PTPRB: variants seen among roughly 807,000 people sequenced by gnomAD.
PTPRB encodes the protein protein tyrosine phosphatase receptor type B.
Under a neutral mutation model 238.1 loss-of-function variants are expected in PTPRB, and 97 were observed. The ratio of observed to expected loss-of-function variants is 0.41; its 90% CI spans 0.35 to 0.48. The LOEUF is 0.48. Among genes scored for constraint, PTPRB ranks in the 20% least tolerant of loss-of-function variants. The pLI is 0.30. For missense variants in PTPRB, 2,292 were observed against 2,681.9 expected, an observed-to-expected ratio of 0.85 and a Z score of 3.21; for synonymous variants, 970 against 995.4, an observed-to-expected ratio of 0.97 and a Z score of 0.48.
At chr12:70,567,164 C>T (rs1005957804) in intron 14 of PTPRB, among the ~76,000 whole-genome samples, 2 of 152,118 alleles carry the variant, frequency 1.3e-5, no homozygotes, top group Non-Finnish European at 2.9e-5. Context: ...TTCTATAGCT[C>T]CTGAGGTGAA....
chr12:70,548,849 C>T (rs541760455), intron 21 of PTPRB, among the ~76,000 whole-genome samples: 1 of 152,314 alleles, frequency 6.6e-6, no homozygotes, highest in African/African-American at 2.4e-5. Flanking sequence ...TAAACCTCCA[C>T]GCTTTGACTC....
At position 70,592,431 on chromosome 12, in the gene PTPRB, T is replaced by C; in HGVS notation, c.1631A>G (p.His544Arg). 6.2e-7 allele frequency: 1 copy of C among 1,613,772 alleles called. No individual in the cohort carries two copies. Among genetic ancestry groups the C allele is most frequent in the Non-Finnish European group, 8.5e-7 (1 of 1,179,702 alleles). The change falls in exon 7 of 34, where the codon CAC becomes CGC. Residue 544 changes from histidine to arginine, a missense_variant. Around this residue, in one of 4 missense-constraint regions of PTPRB, gnomAD observed 1,205 missense variants for 1,287.8 expected, o/e 0.94. Transcript: ENST00000334414. ...NVDSYNITLSHKGTIKESRVL... is the reference protein window; with the variant it reads ...NVDSYNITLSRKGTIKESRVL... ...TCTGGATTCCTTGATGGTCCCTTTG[T>C]GAGACAGGGTGATATTGTAAGAATC...
intron 14 of PTPRB, among the ~76,000 whole-genome samples, chr12:70,568,228 TTTTTACTTTTCTATC>T (rs1182808922): frequency 1.3e-5 from 2 of 152,184 alleles, no homozygotes; most frequent in African/African-American, 4.8e-5. Context: ...TGTAATTGCC[TTTTTACTTTTCTATC>T]TCCTTCACTA....
At chr12:70,614,509 A>T (rs1884594488) in intron 3 of PTPRB, among the ~76,000 whole-genome samples, 1 of 152,198 alleles carries the variant, frequency 6.6e-6, no homozygotes, top group Non-Finnish European at 1.5e-5. Flanking sequence ...AGATCGCACC[A>T]CTGCATTCCA....
intron 3 of PTPRB, among the ~76,000 whole-genome samples, chr12:70,617,843 C>T (rs527424782): frequency 1.4e-3 from 173 of 124,564 alleles, no homozygotes; most frequent in African/African-American, 3.8e-3. Context: ...TCTCCCAGGC[C>T]GGAGCAAGGG....
chr12:70,557,646 T>C (rs1438201999), intron 18 of PTPRB, among the ~76,000 whole-genome samples: 2 of 152,216 alleles, frequency 1.3e-5, no homozygotes, highest in African/African-American at 4.8e-5. Context: ...CTCATGTGCA[T>C]AGTCTATCAA....
At chr12:70,530,308 A>G (rs1261477648) in intron 32 of PTPRB, among the ~76,000 whole-genome samples, 2 of 152,206 alleles carry the variant, frequency 1.3e-5, no homozygotes, top group Non-Finnish European at 2.9e-5. Flanking sequence ...ATAGTTTTAA[A>G]GAGTATCTCA....
Position 70,518,615 on chromosome 12 carries a change from G to A in PTPRB, c.*2874C>T, listed in dbSNP as rs1055841415. 2 of 152,080 alleles carry A rather than the reference G, an allele frequency of 1.3e-5. No homozygotes were observed. The highest frequency in any genetic ancestry group is 2.9e-5 in the Non-Finnish European group (2 of 68,020). 9.4% of individuals were successfully genotyped at this position (152,080 alleles called of 1,614,324 possible). On this transcript the variant is annotated 3_prime_UTR_variant, in exon 34 of 34. Transcript: ENST00000334414. ...AAACAGAGGGACTCAGAGGTTTAAG[G>A]GATAGAGAATTACTTAGGACAAATA...
Position 70,546,697 on chromosome 12 carries a change from G to C in PTPRB, c.5388-2034C>G, listed in dbSNP as rs578169742. On this transcript the variant is annotated intron_variant, in intron 21 of 33. Transcript: ENST00000334414. ...AGGAGGAGTTTAGGAACATTAAGCT[G>C]TTTTCTAACATTAGAATATGAGCTG... Among the ~76,000 whole-genome samples, 6 of 152,308 alleles carry C rather than the reference G, an allele frequency of 3.9e-5. No individual in the cohort carries two copies. In the East Asian group the frequency reaches 5.8e-4, roughly 15 times the overall value.
At chr12:70,585,964 A>G (rs903646299) in intron 9 of PTPRB, among the ~76,000 whole-genome samples, 3 of 152,122 alleles carry the variant, frequency 2.0e-5, no homozygotes, top group African/African-American at 7.2e-5. Context: ...CGTCCCTACC[A>G]AGGACACGAA....
rs375617873 is a variant in PTPRB, at chr12:70,544,702, G to A, written c.5388-39C>T. On this transcript the variant is annotated intron_variant, in intron 21 of 33. Transcript: ENST00000334414. ...CGATTTATTTAAATATAAATTAGTT[G>A]TTGAACACAGTAGCTGAAAAATGTG... 2.2e-5 allele frequency: 30 copies of A among 1,362,788 alleles called. 1 individual carries two copies. The highest frequency in any genetic ancestry group is 3.7e-4 in the Middle Eastern group (2 of 5,376). 84.4% of individuals were successfully genotyped at this position (1,362,788 alleles called of 1,614,324 possible). A position where few individuals can be genotyped will look rare whatever the true frequency, so the allele number is the denominator to read the frequency against.
In PTPRB at chr12:70,525,910, G is replaced by T. The variant is rs145603470; in HGVS notation, c.6505-1319C>A. 4.6e-3 allele frequency among the ~76,000 whole-genome samples: 697 copies of T among 151,994 alleles called. 4 individuals carry two copies. The highest frequency in any genetic ancestry group is 0.016 in the African/African-American group (645 of 41,502). ...GTCTCTTTTATAGCTAACATCCTTT[G>T]TCTATTAAAGGATATAGATTGATGT... On this transcript the variant is annotated intron_variant, in intron 32 of 33. Coordinates refer to ENST00000334414, the MANE Select transcript of PTPRB (RefSeq NM_001109754.4).
In PTPRB at chr12:70,576,402, G is replaced by T. The variant is rs1189087170; in HGVS notation, c.2822C>A (p.Ser941Tyr). Residue 941 changes from serine to tyrosine, a missense_variant, in exon 11 of 34, where the codon TCC (serine) becomes TAC (tyrosine). Around this residue, in one of 4 missense-constraint regions of PTPRB, gnomAD observed 1,205 missense variants for 1,287.8 expected, o/e 0.94. Coordinates refer to ENST00000334414, the MANE Select transcript of PTPRB (RefSeq NM_001109754.4). ...TTRSGKYENH[S>Y]FSQERTVPDK... ...CTTACCTGTCCGCTCTTGGCTGAAG[G>T]AGTGATTTTCATACTTGCCACTCCT... The T allele has an allele frequency of 5.6e-6, 9 of 1,612,162 alleles. No homozygotes were observed. Among genetic ancestry groups the T allele is most frequent in the Non-Finnish European group, 7.6e-6 (9 of 1,179,286 alleles).
At chr12:70,572,558 A>G (rs2136383430) in intron 11 of PTPRB, among the ~76,000 whole-genome samples, 1 of 152,186 alleles carries the variant, frequency 6.6e-6, no homozygotes, top group East Asian at 1.9e-4. Flanking sequence ...ACTTGAGGTC[A>G]GAAGTTTGAG....
At chr12:70,524,330 G>A in intron 33 of PTPRB, 141 bp downstream of exon 33, 3 of 911,932 alleles carry the variant, frequency 3.3e-6, no homozygotes, top group Non-Finnish European at 3.1e-6. Context: ...GCCCAGGCTG[G>A]TTTCAAACTC....
At position 70,622,409 on chromosome 12, in the gene PTPRB, A is replaced by G; in HGVS notation, c.689T>C (p.Phe230Ser). 2 of 1,612,012 alleles carry G rather than the reference A, an allele frequency of 1.2e-6. No individual in the cohort carries two copies. The highest frequency in any genetic ancestry group is 8.5e-7 in the Non-Finnish European group (1 of 1,179,554). The change falls in exon 3 of 34, where the codon TTC becomes TCC. Residue 230 changes from phenylalanine (F) to serine (S), a missense_variant. This residue lies in a region of PTPRB where 1,205 missense variants were observed against 1,287.8 expected (regional missense o/e 0.94). Transcript: ENST00000334414. Reference sequence around the variant, plus strand: ...TTTTACCTCTTCAGTGGTGCTGGAGAAGGGCTGAGTAGTCGACAAAACCCA... The same window carrying G: ...TTTTACCTCTTCAGTGGTGCTGGAGGAGGGCTGAGTAGTCGACAAAACCCA... ...TSWVLSTTQP[F>S]SSTTEETGLA...
Position 70,587,066 on chromosome 12 carries a change from G to C in PTPRB, c.2252C>G (p.Ala751Gly), listed in dbSNP as rs1166403086. The C allele has an allele frequency of 6.2e-7, 1 of 1,613,740 alleles. No individual in the cohort carries two copies. Among genetic ancestry groups the C allele is most frequent in the Non-Finnish European group, 8.5e-7 (1 of 1,179,628 alleles). Residue 751 changes from alanine (A) to glycine (G), a missense_variant, in exon 9 of 34, where the codon GCT becomes GGT. Coordinates refer to ENST00000334414, the MANE Select transcript of PTPRB (RefSeq NM_001109754.4). ...GTCTCCACTAATACTGGTGACTGTA[G>C]CCATGTATTTTCGTCCAGGCACCAG... ...TDLVPGRKYM[A>G]TVTSISGDLK...
intron 3 of PTPRB, among the ~76,000 whole-genome samples, chr12:70,619,270 T>C (rs1884813424): frequency 6.6e-6 from 1 of 151,360 alleles, no homozygotes; most frequent in African/African-American, 2.4e-5. Context: ...TGGGTATCTA[T>C]AAAACAGAGA....
intron 16 of PTPRB, among the ~76,000 whole-genome samples, chr12:70,562,615 A>G (rs1276248376): frequency 1.3e-5 from 2 of 152,198 alleles, no homozygotes; most frequent in African/African-American, 4.8e-5. Flanking sequence ...ACCAAGCCCT[A>G]GGAAGTAAAT....
Sources: gnomAD v4.1 joint callset for allele counts (sites outside exome capture counted in the v4.1 genomes callset) on GRCh38, gnomAD v4.1.1 for gene constraint, gnomAD v4.1.1 regional missense constraint, MANE v1.5 for transcripts, NCBI Gene and HGNC (gene_info 2026-07-23, HGNC 2026-07-21) for gene names.